Variants in DNAH11 observed in about 807,000 individuals in gnomAD.
The protein encoded by DNAH11 is dynein axonemal heavy chain 11.
A neutral mutation model predicts 526.0 loss-of-function variants in DNAH11; 442 were observed. The ratio of observed to expected loss-of-function variants is 0.84; its 90% confidence interval spans 0.78 to 0.91. The LOEUF is 0.91. Among genes scored for constraint, DNAH11 ranks in the 40% least tolerant of loss-of-function variants. The pLI, the probability that DNAH11 is intolerant of heterozygous loss-of-function variation, is 0.00. For synonymous variants in DNAH11, 2,461 were observed against 1,935.9 expected, an observed-to-expected ratio of 1.27 and a Z score of -7.12; for missense variants, 6,989 against 5,448.7, an observed-to-expected ratio of 1.28 and a Z score of -8.90.
At chr7:21,783,794 T>C (rs1427611241) in intron 57 of DNAH11, among the ~76,000 whole-genome samples, 1 of 152,202 alleles carries the variant, frequency 6.6e-6, no homozygotes, top group Non-Finnish European at 1.5e-5. Context: ...TGGGTATCAG[T>C]GTTATTGTTC....
At chr7:21,891,548 T>C (rs1296751723) in intron 76 of DNAH11, among the ~76,000 whole-genome samples, 1 of 152,214 alleles carries the variant, frequency 6.6e-6, no homozygotes, top group African/African-American at 2.4e-5. Flanking sequence ...GCTCATAAAT[T>C]CTTTTGTTAC....
At chr7:21,749,849 T>G (rs770044230) in intron 53 of DNAH11, 48 bp downstream of exon 53, 12 of 1,608,398 alleles carry the variant, frequency 7.5e-6, no homozygotes, top group African/African-American at 2.7e-5. Context: ...AATGACAAAT[T>G]ATCTGTAGTT....
At chr7:21,898,332 C>G (rs1188918374) in intron 79 of DNAH11, among the ~76,000 whole-genome samples, 1 of 152,200 alleles carries the variant, frequency 6.6e-6, no homozygotes, top group Non-Finnish European at 1.5e-5. Flanking sequence ...CAGAGATTTT[C>G]CTTGTGGTGA....
intron 62 of DNAH11, among the ~76,000 whole-genome samples, chr7:21,805,135 C>T (rs1234758903): frequency 6.6e-6 from 1 of 152,144 alleles, no homozygotes; most frequent in African/African-American, 2.4e-5. Context: ...CATAAAAGAG[C>T]CTTCATCCAA....
intron 65 of DNAH11, among the ~76,000 whole-genome samples, chr7:21,827,446 T>C (rs1790352953): frequency 6.6e-6 from 1 of 151,568 alleles, no homozygotes; most frequent in African/African-American, 2.4e-5. Context: ...TTAAATATTA[T>C]TATAATTTTT....
intron 62 of DNAH11, among the ~76,000 whole-genome samples, chr7:21,804,133 G>C (rs1789135581): frequency 6.7e-6 from 1 of 148,150 alleles, no homozygotes; most frequent in African/African-American, 2.6e-5. Context: ...TTTTGAGACG[G>C]AGTCTTGCTC....
At chr7:21,772,166 A>G (rs573183317) in intron 55 of DNAH11, among the ~76,000 whole-genome samples, 60 of 152,294 alleles carry the variant, frequency 3.9e-4, no homozygotes, top group African/African-American at 1.2e-3. Context: ...GCCTGATAAC[A>G]ATAGTTATTT....
chr7:21,804,417 A>C (rs1036935834), intron 62 of DNAH11, among the ~76,000 whole-genome samples: 3 of 152,116 alleles, frequency 2.0e-5, no homozygotes, highest in East Asian at 1.9e-4. Context: ...CCTATAGTAC[A>C]TTTTTAAAAC....
rs373680841 is a variant in DNAH11 at position 21,872,570 on chromosome 7, C to T, written c.11968-704C>T. Among the ~76,000 whole-genome samples the T allele has an allele frequency of 5.3e-5, 8 of 152,296 alleles. No homozygotes were observed. In the East Asian group the frequency reaches 1.3e-3, roughly 26 times the overall value. On this transcript the variant is annotated intron_variant, in intron 73 of 81. Coordinates refer to ENST00000409508, the MANE Select transcript of DNAH11 (RefSeq NM_001277115.2). ...AGCCTTTATATCTCCCTCCCAGCAC[C>T]AACTACCAAGCTATAACCTGTAGGT...
chr7:21,801,183 C>T lies in DNAH11; in HGVS notation c.10073C>T (p.Ala3358Val). ...LSRLTASFEK[A>V]TAEKVRCQEE... ...AGACTCACGGCTTCATTTGAAAAAGCAACAGCTGAGAAAGTCCGGTGTCAA... is the reference window on the plus strand; with the variant it reads ...AGACTCACGGCTTCATTTGAAAAAGTAACAGCTGAGAAAGTCCGGTGTCAA... Residue 3358 changes from alanine (A) to valine (V), a missense_variant, in exon 62 of 82, where the codon GCA becomes GTA. Physicochemically the swap from Ala to Val is moderately conservative, Grantham distance 64. Transcript: ENST00000409508. The T allele has an allele frequency of 6.2e-7, 1 of 1,612,694 alleles. No homozygotes were observed. Among genetic ancestry groups the T allele is most frequent in the Non-Finnish European group, 8.5e-7 (1 of 1,179,322 alleles).
intron 8 of DNAH11, among the ~76,000 whole-genome samples, chr7:21,573,057 T>A (rs1783955966): frequency 6.6e-6 from 1 of 152,072 alleles, no homozygotes; most frequent in South Asian, 2.1e-4. Context: ...TTGGGGACAT[T>A]TGGATTGCAA....
chr7:21,776,503 A>G (rs1787677710), intron 56 of DNAH11, among the ~76,000 whole-genome samples: 1 of 152,190 alleles, frequency 6.6e-6, no homozygotes. Context: ...ATGCCACATC[A>G]TTTGAAAACA....
chr7:21,561,801 A>G (rs955590414), intron 5 of DNAH11, among the ~76,000 whole-genome samples: 2 of 152,236 alleles, frequency 1.3e-5, no homozygotes, highest in Non-Finnish European at 1.5e-5. Context: ...TTGCACATGT[A>G]TAAGCATTTA....
At chr7:21,764,749 A>G (rs895726676) in intron 54 of DNAH11, among the ~76,000 whole-genome samples, 6 of 152,352 alleles carry the variant, frequency 3.9e-5, no homozygotes, top group African/African-American at 1.4e-4. Context: ...TCCCTAAAAA[A>G]AGTACGGAAG....
At chr7:21,642,217 C>T (rs1352550518) in intron 28 of DNAH11, among the ~76,000 whole-genome samples, 1 of 152,050 alleles carries the variant, frequency 6.6e-6, no homozygotes, top group African/African-American at 2.4e-5. Flanking sequence ...ACAATTAACA[C>T]TTACATAAAA....
At chr7:21,853,296 T>C (rs1289521235) in intron 67 of DNAH11, among the ~76,000 whole-genome samples, 2 of 152,230 alleles carry the variant, frequency 1.3e-5, no homozygotes, top group African/African-American at 4.8e-5. Flanking sequence ...TTCTGGAATA[T>C]CCTTATTACT....
At chr7:21,869,693 A>T (rs1413785043) in intron 73 of DNAH11, among the ~76,000 whole-genome samples, 4 of 152,174 alleles carry the variant, frequency 2.6e-5, no homozygotes, top group Non-Finnish European at 4.4e-5. Context: ...CTTCCCCAAT[A>T]CTTGGCTCCT....
At chr7:21,879,064 A>T (rs1341076650) in intron 74 of DNAH11, among the ~76,000 whole-genome samples, 1 of 152,208 alleles carries the variant, frequency 6.6e-6, no homozygotes, top group Non-Finnish European at 1.5e-5. Flanking sequence ...TAGATTGGAC[A>T]GCTATTTTTC....
chr7:21,642,128 T>G (rs1199099538), intron 28 of DNAH11, among the ~76,000 whole-genome samples: 1 of 152,214 alleles, frequency 6.6e-6, no homozygotes, highest in Non-Finnish European at 1.5e-5. Flanking sequence ...TTTTGAAATT[T>G]TGGGAAAATT....
Sources: allele counts gnomAD v4.1 joint callset (sites outside exome capture counted in the v4.1 genomes callset), GRCh38; gene constraint gnomAD v4.1.1; transcripts MANE v1.5; gene names NCBI Gene and HGNC (gene_info 2026-07-23, HGNC 2026-07-21).